Variants in ADCY2 observed in about 807,000 individuals in gnomAD.
ADCY2 encodes the protein adenylate cyclase 2, also known as adenylate cyclase type 2.
A neutral mutation model predicts 125.2 loss-of-function variants in ADCY2; 31 were observed. The observed-to-expected ratio is 0.25, with a 90% CI of 0.19 to 0.33. ADCY2 has a LOEUF of 0.33. Ranked by LOEUF, ADCY2 falls within the 10% of genes least tolerant of loss-of-function variation. The pLI is 1.00. For synonymous variants in ADCY2, 512 were observed against 548.4 expected (o/e 0.93, Z 0.93); for missense variants, 904 against 1,418.2 (o/e 0.64, Z 5.82).
chr5:7,647,282 A>T (rs573570085), intron 4 of ADCY2, among the ~76,000 whole-genome samples: 1 of 152,224 alleles, frequency 6.6e-6, no homozygotes, highest in African/African-American at 2.4e-5. Flanking sequence ...ACATGTAAGT[A>T]ATGATAATAT....
intron 1 of ADCY2, among the ~76,000 whole-genome samples, chr5:7,403,394 A>G (rs550687414): frequency 1.3e-5 from 2 of 152,340 alleles, no homozygotes; most frequent in East Asian, 1.9e-4. Flanking sequence ...ACTCTTTCCC[A>G]TCATTGACTT....
intron 3 of ADCY2, among the ~76,000 whole-genome samples, chr5:7,593,435 G>A (rs1228294566): frequency 1.3e-5 from 2 of 152,186 alleles, no homozygotes; most frequent in Non-Finnish European, 2.9e-5. Flanking sequence ...CAGAAAAGGC[G>A]TGGAGTCTGG....
intron 18 of ADCY2, among the ~76,000 whole-genome samples, chr5:7,782,860 G>A (rs544141526): frequency 2.6e-5 from 4 of 151,704 alleles, no homozygotes; most frequent in African/African-American, 9.7e-5. Context: ...GTTGGACACC[G>A]CAGTCATAGG....
intron 4 of ADCY2, chr5:7,685,289 A>T (rs1025297): frequency 6.6e-6 from 1 of 152,086 alleles, no homozygotes; most frequent in South Asian, 2.1e-4. Context: ...AGTAAGTTCT[A>T]GAAAGGGCCT....
At chr5:7,460,140 T>C (rs1233842576) in intron 2 of ADCY2, among the ~76,000 whole-genome samples, 1 of 152,162 alleles carries the variant, frequency 6.6e-6, no homozygotes, top group Non-Finnish European at 1.5e-5. Flanking sequence ...TTAATCCTAT[T>C]ATATCTGCTG....
At chr5:7,678,851 T>C (rs1579307586) in intron 4 of ADCY2, among the ~76,000 whole-genome samples, 1 of 152,226 alleles carries the variant, frequency 6.6e-6, no homozygotes, top group Non-Finnish European at 1.5e-5. Context: ...GCTTCTGTCA[T>C]TGAAAAATCA....
At chr5:7,486,121 A>G (rs1461216843) in intron 2 of ADCY2, among the ~76,000 whole-genome samples, 3 of 152,210 alleles carry the variant, frequency 2.0e-5, no homozygotes, top group Non-Finnish European at 4.4e-5. Context: ...TCCTGGGGAA[A>G]CTTTGTCTCT....
intron 15 of ADCY2, among the ~76,000 whole-genome samples, chr5:7,756,650 G>A (rs1352650622): frequency 6.6e-6 from 1 of 152,194 alleles, no homozygotes; most frequent in African/African-American, 2.4e-5. Flanking sequence ...AAACAGGAAG[G>A]GGAATGGTGG....
At chr5:7,611,452 T>C (rs1256800803) in intron 3 of ADCY2, among the ~76,000 whole-genome samples, 2 of 152,226 alleles carry the variant, frequency 1.3e-5, no homozygotes, top group Admixed American at 1.3e-4. Context: ...GTTAAACATC[T>C]AATTGTTTTA....
At chr5:7,427,498 A>G (rs987926841) in intron 2 of ADCY2, among the ~76,000 whole-genome samples, 2 of 152,156 alleles carry the variant, frequency 1.3e-5, no homozygotes, top group Non-Finnish European at 2.9e-5. Context: ...CTCACTCACT[A>G]TCAGAGAACA....
chr5:7,671,022 A>C (rs1049883065), intron 4 of ADCY2, among the ~76,000 whole-genome samples: 1 of 152,218 alleles, frequency 6.6e-6, no homozygotes, highest in Non-Finnish European at 1.5e-5. Context: ...TCTTGAGGAA[A>C]TCAATCTTTA....
chr5:7,589,369 T>C (rs1736738373), intron 3 of ADCY2, among the ~76,000 whole-genome samples: 1 of 115,646 alleles, frequency 8.6e-6, no homozygotes, highest in Non-Finnish European at 1.8e-5. Context: ...AAATAAACAA[T>C]GTCCACTGGC....
intron 2 of ADCY2, among the ~76,000 whole-genome samples, chr5:7,455,947 A>G: frequency 6.7e-6 from 1 of 149,678 alleles, no homozygotes; most frequent in East Asian, 1.9e-4. Context: ...CATAGTAGGA[A>G]TAACATTTTA....
chr5:7,754,761 A>ACAGGAGAATCGCTTGAACCTAGGAGG (rs1560949505), intron 15 of ADCY2, among the ~76,000 whole-genome samples: 3 of 151,968 alleles, frequency 2.0e-5, no homozygotes, highest in Non-Finnish European at 4.4e-5. Context: ...GGAGGCTGAG[A>ACAGGAGAATCGCTTGAACCTAGGAGG]CAGGAGAATC....
In ADCY2 at chr5:7,559,929, GA is replaced by G. The variant is rs548489789; in HGVS notation, c.570+39031del. 8.5e-5 allele frequency among the ~76,000 whole-genome samples: 13 copies of G among 152,288 alleles called. No individual in the cohort carries two copies. In the East Asian group the frequency reaches 2.5e-3, roughly 29 times the overall value. ...GGAAAGAGTAGTGAGTTCTCCCAAG[GA>G]GATAGATTTTAGAATATTTATTTTA... is the stretch of plus-strand genomic sequence containing the variant. On this transcript the variant is annotated intron_variant, in intron 3 of 24. Coordinates refer to ENST00000338316, the MANE Select transcript of ADCY2 (RefSeq NM_020546.3).
intron 4 of ADCY2, among the ~76,000 whole-genome samples, chr5:7,664,624 C>G (rs917800550): frequency 2.0e-5 from 3 of 152,152 alleles, no homozygotes; most frequent in Admixed American, 2.0e-4. Flanking sequence ...GGAAGAAAAT[C>G]AAAATGTTTT....
At chr5:7,631,086 C>T (rs143333270) in intron 4 of ADCY2, among the ~76,000 whole-genome samples, 3,082 of 152,270 alleles carry the variant, frequency 0.02, 42 homozygotes, top group Non-Finnish European at 0.03. Context: ...CCACTGAGCC[C>T]GGCCTGTCTC....
At chr5:7,598,754 T>G (rs1172157503) in intron 3 of ADCY2, among the ~76,000 whole-genome samples, 1 of 152,120 alleles carries the variant, frequency 6.6e-6, no homozygotes, top group African/African-American at 2.4e-5. Flanking sequence ...TGAGCAGCAG[T>G]GATGTGTGAC....
intron 3 of ADCY2, among the ~76,000 whole-genome samples, chr5:7,579,108 C>T (rs902252775): frequency 1.1e-4 from 16 of 152,230 alleles, no homozygotes; most frequent in East Asian, 3.9e-4. Flanking sequence ...GTTTCACTTC[C>T]GTCAAGCCAA....
Sources: gnomAD v4.1 joint callset for allele counts (sites outside exome capture counted in the v4.1 genomes callset) on GRCh38, gnomAD v4.1.1 for gene constraint, MANE v1.5 for transcripts, NCBI Gene and HGNC (gene_info 2026-07-23, HGNC 2026-07-21) for gene names.